Variants in DCAF1 observed in about 807,000 individuals in gnomAD.
The protein encoded by DCAF1 is DDB1- and CUL4-associated factor 1.
Under a neutral mutation model 128.0 loss-of-function variants are expected in DCAF1, and 15 were observed. The ratio of observed to expected loss-of-function variants is 0.12; its 90% CI spans 0.08 to 0.18. DCAF1 has a LOEUF of 0.18. Among genes scored for constraint, DCAF1 ranks in the 10% least tolerant of loss-of-function variants. The probability of loss-of-function intolerance (pLI) is 1.00; values close to 1 mark genes in which losing one functional copy is unlikely to be tolerated. For missense variants in DCAF1, 988 were observed against 1,649.5 expected (o/e 0.60, Z 6.95); for synonymous variants, 610 against 603.0 (o/e 1.01, Z -0.17).
chr3:51,396,993 CAG>C (rs1374449043), downstream of DCAF1: 1 of 167,114 alleles, frequency 6.0e-6, no homozygotes, highest in East Asian at 1.9e-4. Flanking sequence ...CTGTGTGACA[CAG>C]ACCCACTTCA....
chr3:51,468,043 TA>T (rs1209404644), intron 4 of DCAF1, among the ~76,000 whole-genome samples: 1 of 152,174 alleles, frequency 6.6e-6, no homozygotes, highest in Admixed American at 6.6e-5. Flanking sequence ...TCACTAACCC[TA>T]AAGATACAAT....
At chr3:51,496,363 G>A (rs60368352) in intron 2 of DCAF1, among the ~76,000 whole-genome samples, 4,386 of 152,192 alleles carry the variant, frequency 0.029, 247 homozygotes, top group African/African-American at 0.1. Flanking sequence ...GGAGACAGAG[G>A]TTGCAGTGAG....
intron 7 of DCAF1, 99 bp downstream of exon 7, chr3:51,443,665 TAC>T (rs1408427706): frequency 1.9e-6 from 2 of 1,073,800 alleles, no homozygotes; most frequent in Non-Finnish European, 2.5e-6. Context: ...CATGCTCCAG[TAC>T]AAGATAATCA....
downstream of DCAF1, chr3:51,397,580 C>A (rs1256126729): frequency 6.0e-6 from 1 of 167,124 alleles, no homozygotes; most frequent in African/African-American, 2.4e-5. Context: ...CAGAACATGA[C>A]AACAGAGAGC....
At chr3:51,489,752 A>G (rs941608307) in intron 2 of DCAF1, among the ~76,000 whole-genome samples, 3 of 151,882 alleles carry the variant, frequency 2.0e-5, no homozygotes, top group Admixed American at 2.0e-4. Context: ...GCACCAGTGC[A>G]ATCCAGCCTG....
chr3:51,468,984 G>A (rs1553647443), intron 4 of DCAF1, among the ~76,000 whole-genome samples: 1 of 152,078 alleles, frequency 6.6e-6, no homozygotes, highest in Non-Finnish European at 1.5e-5. Flanking sequence ...TCTGATTTGA[G>A]TTATTGAAGA....
chr3:51,425,467 G>A (rs1490445920), intron 13 of DCAF1, among the ~76,000 whole-genome samples: 1 of 150,114 alleles, frequency 6.7e-6, no homozygotes, highest in African/African-American at 2.5e-5. Context: ...GCAAGACTCT[G>A]TCTCCAAAAC....
intron 6 of DCAF1, among the ~76,000 whole-genome samples, chr3:51,447,630 A>G (rs369734213): frequency 1.8e-4 from 27 of 152,118 alleles, no homozygotes; most frequent in African/African-American, 6.0e-4. Flanking sequence ...TTGTCTTCCT[A>G]AACTGTTTCT....
At chr3:51,424,084 C>T (rs1284450946) in intron 13 of DCAF1, among the ~76,000 whole-genome samples, 1 of 151,780 alleles carries the variant, frequency 6.6e-6, no homozygotes, top group Non-Finnish European at 1.5e-5. Context: ...TCTGACAATA[C>T]CAAGTACTGG....
intron 3 of DCAF1, among the ~76,000 whole-genome samples, chr3:51,482,801 C>T (rs537362428): frequency 9.7e-5 from 14 of 144,914 alleles, no homozygotes; most frequent in African/African-American, 3.5e-4. Flanking sequence ...ATTCACCAAA[C>T]AGTTGGGAAA....
Position 51,433,410 on chromosome 3 carries a change from A to G in DCAF1, c.1129-146T>C, listed in dbSNP as rs1020314842. ...CAAAAGAAAACCCAGTATTATTTAA[A>G]GTAAATAAAAAGACTAAGATTCCTT... is the stretch of plus-strand genomic sequence containing the variant. On this transcript the variant is annotated intron_variant, in intron 9 of 24. Coordinates refer to ENST00000684031, the MANE Select transcript of DCAF1 (RefSeq NM_001387579.1). 68 of 393,192 alleles carry G rather than the reference A, an allele frequency of 1.7e-4. No individual in the cohort carries two copies. In the Admixed American group the frequency reaches 2.5e-3, roughly 15 times the overall value. 24.4% of individuals were successfully genotyped at this position (393,192 alleles called of 1,614,324 possible).
intron 23 of DCAF1, among the ~76,000 whole-genome samples, chr3:51,404,012 T>A (rs2089931455): frequency 1.3e-5 from 2 of 152,246 alleles, no homozygotes; most frequent in African/African-American, 4.8e-5. Context: ...GGAGAAACTA[T>A]CTTTCTTTCC....
chr3:51,408,258 A>G (rs1698082515), intron 23 of DCAF1, among the ~76,000 whole-genome samples: 2 of 152,208 alleles, frequency 1.3e-5, no homozygotes, highest in African/African-American at 2.4e-5. Flanking sequence ...TGGCATGTCA[A>G]TTATATCTCG....
intron 14 of DCAF1, among the ~76,000 whole-genome samples, chr3:51,421,878 T>A (rs1300999696): frequency 5.3e-5 from 7 of 131,730 alleles, no homozygotes; most frequent in Middle Eastern, 3.3e-3. Context: ...CTTACTTTGT[T>A]GTTTTTTTTT....
chr3:51,498,187 C>T (rs1284677339), intron 1 of DCAF1, among the ~76,000 whole-genome samples: 1 of 149,354 alleles, frequency 6.7e-6, no homozygotes, highest in Non-Finnish European at 1.5e-5. Context: ...TGCTGAAACC[C>T]CATCTCTACT....
chr3:51,486,716 C>T (rs1419242428), intron 2 of DCAF1, among the ~76,000 whole-genome samples: 5 of 152,070 alleles, frequency 3.3e-5, no homozygotes, highest in African/African-American at 1.2e-4. Context: ...TCACTGCGAC[C>T]TCCATCTCCC....
intron 2 of DCAF1, among the ~76,000 whole-genome samples, chr3:51,496,072 A>G (rs1258572102): frequency 1.3e-5 from 2 of 151,960 alleles, no homozygotes; most frequent in African/African-American, 2.4e-5. Flanking sequence ...CAGGCAGATC[A>G]CCTGAGGTTG....
chr3:51,417,016 C>A, intron 17 of DCAF1, 145 bp from the exon 18 acceptor site: 1 of 1,305,252 alleles, frequency 7.7e-7, no homozygotes. Flanking sequence ...CAATCATACA[C>A]TTAGATTACA....
At chr3:51,465,819 C>T (rs972468323) in intron 5 of DCAF1, among the ~76,000 whole-genome samples, 3 of 152,190 alleles carry the variant, frequency 2.0e-5, no homozygotes, top group African/African-American at 7.2e-5. Context: ...GTGCCAGGCT[C>T]TCTGCCAAGC....
Sources: gnomAD v4.1 joint callset for allele counts (sites outside exome capture counted in the v4.1 genomes callset) on GRCh38, gnomAD v4.1.1 for gene constraint, MANE v1.5 for transcripts, NCBI Gene and HGNC (gene_info 2026-07-23, HGNC 2026-07-21) for gene names.